The following GIPC2 variants were observed in gnomAD, a reference collection of about 807,000 sequenced individuals.
GIPC2 encodes GIPC PDZ domain containing family member 2.
GIPC2 carries 30 observed loss-of-function variants against 30.6 expected under a neutral mutation model. The observed-to-expected ratio is 0.98, with a 90% CI of 0.73 to 1.33. GIPC2 has a LOEUF of 1.33. Ranked by LOEUF, GIPC2 falls within the 40% of genes most tolerant of loss-of-function variation. The pLI, the probability that GIPC2 is intolerant of heterozygous loss-of-function variation, is 0.00. For synonymous variants in GIPC2, 167 were observed against 150.0 expected (o/e 1.11, Z -0.83); for missense variants, 414 against 390.3 (o/e 1.06, Z -0.51).
At chr1:78,058,360 T>G (rs1351240475) in intron 1 of GIPC2, among the ~76,000 whole-genome samples, 7 of 152,190 alleles carry the variant, frequency 4.6e-5, no homozygotes, top group African/African-American at 1.7e-4. Flanking sequence ...TGGAAGAGTC[T>G]TTATTGTATT....
At chr1:78,091,432 A>C (rs1157064265) in intron 2 of GIPC2, 1 of 574,604 alleles carries the variant, frequency 1.7e-6, no homozygotes, top group African/African-American at 1.9e-5. Context: ...GCAGGGGCGG[A>C]GCCAGGGGCC....
intron 3 of GIPC2, 106 bp downstream of exon 3, chr1:78,095,238 T>C (rs1571504357): frequency 2.9e-6 from 2 of 690,666 alleles, no homozygotes; most frequent in Non-Finnish European, 5.0e-6. Context: ...TTTTAGTGTC[T>C]TCTTATCTAA....
chr1:78,122,179 T>C (rs1183117727), intron 4 of GIPC2, among the ~76,000 whole-genome samples: 2 of 152,182 alleles, frequency 1.3e-5, no homozygotes, highest in Non-Finnish European at 2.9e-5. Context: ...TCATAGTCTG[T>C]TTAGTAAAAT....
chr1:78,062,842 A>G (rs1448179236), intron 1 of GIPC2, among the ~76,000 whole-genome samples: 1 of 152,062 alleles, frequency 6.6e-6, no homozygotes, highest in Non-Finnish European at 1.5e-5. Flanking sequence ...CACTTAACCT[A>G]TGCTATCTTA....
chr1:78,055,851 T>A (rs1465381766), intron 1 of GIPC2, among the ~76,000 whole-genome samples: 1 of 152,150 alleles, frequency 6.6e-6, no homozygotes, highest in Non-Finnish European at 1.5e-5. Flanking sequence ...ATGGTAGATA[T>A]TCTGAGACAT....
At chr1:78,049,893 CTTTT>C (rs35263483) in intron 1 of GIPC2, among the ~76,000 whole-genome samples, 2 of 98,456 alleles carry the variant, frequency 2.0e-5, no homozygotes, top group African/African-American at 3.7e-5. Flanking sequence ...AGAAAAACCT[CTTTT>C]TTTTTTTTTT....
chr1:78,121,201 C>T (rs1007931709), intron 4 of GIPC2, among the ~76,000 whole-genome samples: 11 of 152,130 alleles, frequency 7.2e-5, no homozygotes, highest in African/African-American at 2.7e-4. Context: ...TTTGGGGTGG[C>T]GATGGTAAGG....
intron 1 of GIPC2, among the ~76,000 whole-genome samples, chr1:78,049,495 G>A (rs1661155487): frequency 6.6e-6 from 1 of 152,146 alleles, no homozygotes; most frequent in African/African-American, 2.4e-5. Flanking sequence ...AAAAACATTT[G>A]CCCCCCTTAA....
chr1:78,076,941 T>A (rs1057282282), intron 1 of GIPC2, among the ~76,000 whole-genome samples: 4 of 151,866 alleles, frequency 2.6e-5, no homozygotes, highest in Non-Finnish European at 5.9e-5. Flanking sequence ...GCTATTTTTT[T>A]TTTTTATTTT....
intron 1 of GIPC2, among the ~76,000 whole-genome samples, chr1:78,051,784 C>T (rs577468576): frequency 2.4e-4 from 37 of 152,284 alleles, no homozygotes; most frequent in African/African-American, 6.0e-4. Context: ...CATGAGCCAC[C>T]GCACCTGGCG....
At chr1:78,046,488 A>T (rs921390436) in intron 1 of GIPC2, among the ~76,000 whole-genome samples, 154 bp downstream of exon 1, 5 of 152,028 alleles carry the variant, frequency 3.3e-5, no homozygotes, top group African/African-American at 1.2e-4. Flanking sequence ...GGGGAAAGTG[A>T]GTGTGCCTTC....
chr1:78,059,697 G>A (rs555244476), intron 1 of GIPC2, among the ~76,000 whole-genome samples: 1 of 152,262 alleles, frequency 6.6e-6, no homozygotes, highest in East Asian at 1.9e-4. Flanking sequence ...TTGAGCCCAG[G>A]GAGGTTGAGG....
chr1:78,048,815 T>G lies in GIPC2; in HGVS notation c.240+2481T>G, dbSNP rs1661144493. On this transcript the variant is annotated intron_variant, in intron 1 of 5. Coordinates refer to ENST00000370759, the MANE Select transcript of GIPC2 (RefSeq NM_017655.6). ...GCCACGTTCAACATTTTCAGTGCAC[T>G]GACTTGCAAGGTCAGTTTCCAAGAT... Among the ~76,000 whole-genome samples, 2 of 152,106 alleles carry G rather than the reference T, an allele frequency of 1.3e-5. 1 individual carries two copies. Among genetic ancestry groups the G allele is most frequent in the South Asian group, 4.2e-4 (2 of 4,816 alleles).
At chr1:78,106,238 A>G (rs1212839138) in intron 3 of GIPC2, among the ~76,000 whole-genome samples, 1 of 149,670 alleles carries the variant, frequency 6.7e-6, no homozygotes, top group Non-Finnish European at 1.5e-5. Context: ...CTGTCTCAAA[A>G]AAAAAAAAAA....
intron 1 of GIPC2, among the ~76,000 whole-genome samples, chr1:78,057,225 C>T (rs768468035): frequency 6.7e-4 from 102 of 152,100 alleles, no homozygotes; most frequent in Non-Finnish European, 1.3e-3. Flanking sequence ...AAAGTCTCTC[C>T]TATGTTTTTT....
At chr1:78,060,933 G>C (rs1352293146) in intron 1 of GIPC2, among the ~76,000 whole-genome samples, 1 of 150,384 alleles carries the variant, frequency 6.6e-6, no homozygotes. Context: ...AGAGCATATT[G>C]TATTCTGTTC....
intron 4 of GIPC2, among the ~76,000 whole-genome samples, chr1:78,122,766 A>G (rs1662708116): frequency 6.6e-6 from 1 of 152,220 alleles, no homozygotes. Flanking sequence ...ACTTTATTCA[A>G]TATGTGCTTG....
intron 3 of GIPC2, among the ~76,000 whole-genome samples, chr1:78,101,655 C>T (rs753935802): frequency 6.6e-5 from 10 of 152,170 alleles, no homozygotes; most frequent in Non-Finnish European, 1.5e-4. Flanking sequence ...CCCTGGTCAG[C>T]TGGTTACTGA....
At chr1:78,070,533 A>G (rs917321460) in intron 1 of GIPC2, among the ~76,000 whole-genome samples, 1 of 152,132 alleles carries the variant, frequency 6.6e-6, no homozygotes, top group Admixed American at 6.6e-5. Flanking sequence ...TGATATATAT[A>G]TATATATATG....
Sources: allele counts gnomAD v4.1 joint callset (sites outside exome capture counted in the v4.1 genomes callset), GRCh38; gene constraint gnomAD v4.1.1; transcripts MANE v1.5; gene names NCBI Gene and HGNC (gene_info 2026-07-23, HGNC 2026-07-21).